Variants in UBR4 observed in about 807,000 individuals in gnomAD.
UBR4 encodes the protein ubiquitin protein ligase E3 component n-recognin 4, also known as E3 ubiquitin-protein ligase UBR4.
UBR4 carries 124 observed loss-of-function variants against 575.6 expected under a neutral mutation model. The observed-to-expected ratio is 0.22, with a 90% CI of 0.19 to 0.25. The LOEUF is 0.25. UBR4 is among the 10% of genes least tolerant of loss of function. The pLI is 1.00. For missense variants in UBR4, 4,818 were observed against 6,478.8 expected (o/e 0.74, Z 8.80); for synonymous variants, 2,455 against 2,473.7 (o/e 0.99, Z 0.22).
chr1:19,203,676 G>A (rs2092862183), intron 1 of UBR4, among the ~76,000 whole-genome samples: 1 of 152,124 alleles, frequency 6.6e-6, no homozygotes, highest in Non-Finnish European at 1.5e-5. Context: ...TGAGAGTCTG[G>A]CATTGCGAGC....
intron 7 of UBR4, 114 bp downstream of exon 7, chr1:19,197,556 A>T: frequency 7.0e-7 from 1 of 1,422,862 alleles, no homozygotes; most frequent in South Asian, 1.3e-5. Context: ...TTGAACCAGG[A>T]GACGAGGTTA....
At chr1:19,166,338 C>A (rs1052205954) in intron 29 of UBR4, among the ~76,000 whole-genome samples, 2 of 152,212 alleles carry the variant, frequency 1.3e-5, no homozygotes, top group Admixed American at 1.3e-4. Context: ...TTCAGCAGCA[C>A]AGTCAACAAA....
At chr1:19,108,221 C>T (rs1040106278) in intron 81 of UBR4, among the ~76,000 whole-genome samples, 5 of 152,160 alleles carry the variant, frequency 3.3e-5, no homozygotes, top group Non-Finnish European at 1.5e-5. Flanking sequence ...CTTCATTACA[C>T]TAACCTTCAT....
intron 88 of UBR4, among the ~76,000 whole-genome samples, chr1:19,101,071 G>C (rs990105398): frequency 2.6e-5 from 4 of 152,076 alleles, no homozygotes; most frequent in Admixed American, 2.6e-4. Flanking sequence ...ATAGCAGGAA[G>C]GGTTCTCTGG....
Position 19,174,311 on chromosome 1 carries a change from G to T in UBR4, c.2982+8C>A. ...ACCCAAAGACTTCTCAGGGTTCCAT[G>T]GTCTTACCAAGGCTGTTACATTCTT... On this transcript the variant is annotated splice_region_variant and intron_variant, in intron 22 of 105. Transcript: ENST00000375254. 6.2e-7 allele frequency: 1 copy of T among 1,606,356 alleles called. No homozygotes were observed. The highest frequency in any genetic ancestry group is 1.1e-5 in the South Asian group (1 of 89,172).
Position 19,165,285 on chromosome 1 carries a change from G to A in UBR4, c.4276C>T (p.Arg1426Ter). Residue 1426 changes from arginine (R) to a stop codon, truncating the protein, a stop_gained, in exon 31 of 106, where the codon CGA (arginine) becomes TGA (stop). Coordinates refer to ENST00000375254, the MANE Select transcript of UBR4 (RefSeq NM_020765.3). LOFTEE classifies it high-confidence loss of function. Reference sequence around the variant, plus strand: ...AGTTTGGTGAAGAATTTCAAAACTCGGTTACAGAATTTAGCAGAGAGGTTC... The same window carrying A: ...AGTTTGGTGAAGAATTTCAAAACTCAGTTACAGAATTTAGCAGAGAGGTTC... ...NENLSAKFCN[R>*]VLKFFTKLFQ... 2 of 1,614,138 alleles carry A rather than the reference G, an allele frequency of 1.2e-6. No homozygotes were observed. Among genetic ancestry groups the A allele is most frequent in the South Asian group, 1.1e-5 (1 of 91,082 alleles).
chr1:19,133,307 T>A (rs1451092083), intron 60 of UBR4, among the ~76,000 whole-genome samples: 2 of 152,152 alleles, frequency 1.3e-5, no homozygotes, highest in Non-Finnish European at 2.9e-5. Flanking sequence ...ATATAAGTGA[T>A]TCAATACATG....
At chr1:19,176,810 C>T in intron 19 of UBR4, 83 bp from the exon 20 acceptor site, 2 of 1,462,142 alleles carry the variant, frequency 1.4e-6, no homozygotes, top group Admixed American at 2.0e-5. Context: ...TAGCTCGGTA[C>T]ACTGAATCTT....
chr1:19,140,611 G>T (rs925700126), intron 58 of UBR4, among the ~76,000 whole-genome samples, 177 bp downstream of exon 58: 13 of 152,346 alleles, frequency 8.5e-5, no homozygotes, highest in African/African-American at 3.1e-4. Flanking sequence ...GGAGCTGTGC[G>T]CGGCGGGGCC....
chr1:19,150,718 A>T lies in UBR4; in HGVS notation c.7289T>A (p.Phe2430Tyr). 6.2e-7 allele frequency: 1 copy of T among 1,614,080 alleles called. No individual in the cohort carries two copies. The highest frequency in any genetic ancestry group is 8.5e-7 in the Non-Finnish European group (1 of 1,179,986). ...TTCTGGGGGCTCATCAGGCCAGCCA[A>T]ACTGCTCCTTAGTCTTGCCATAAAT... The part of the protein sequence containing the change: ...VKIYGKTKEQ[F>Y]GWPDEPPEEF... Residue 2430 changes from phenylalanine (F) to tyrosine (Y), a missense_variant, in exon 49 of 106, where the codon TTT becomes TAT. Phe to Tyr is a conservative substitution (Grantham distance 22, BLOSUM62 3). Around this residue, in one of 29 missense-constraint regions of UBR4, gnomAD observed 340 missense variants for 375.4 expected, o/e 0.91. Coordinates refer to ENST00000375254, the MANE Select transcript of UBR4 (RefSeq NM_020765.3).
In UBR4 at chr1:19,093,768, T is replaced by C. The variant is rs2077756387; in HGVS notation, c.13937+181A>G. 6.6e-6 allele frequency among the ~76,000 whole-genome samples: 1 copy of C among 152,154 alleles called. No individual in the cohort carries two copies. Among genetic ancestry groups the C allele is most frequent in the African/African-American group, 2.4e-5 (1 of 41,426 alleles). Reference sequence around the variant, plus strand: ...CACTTTGCCTTCTCTGACTAGCCAATTGCTACTCTAATACAGTATATTTTA... The same window carrying C: ...CACTTTGCCTTCTCTGACTAGCCAACTGCTACTCTAATACAGTATATTTTA... On this transcript the variant is annotated intron_variant, in intron 95 of 105. Coordinates refer to ENST00000375254, the MANE Select transcript of UBR4 (RefSeq NM_020765.3). The surrounding 1 kb of genome is among the most constrained non-coding windows in gnomAD (Gnocchi z 4.8).
At chr1:19,164,024 A>T (rs1302417072) in intron 33 of UBR4, among the ~76,000 whole-genome samples, 197 bp from the exon 34 acceptor site, 1 of 152,204 alleles carries the variant, frequency 6.6e-6, no homozygotes, top group African/African-American at 2.4e-5. Flanking sequence ...AACACTTGGC[A>T]TACTTTCCCC....
At chr1:19,187,097 CAT>C (rs200315935) in intron 13 of UBR4, 65 bp downstream of exon 13, 4 of 713,592 alleles carry the variant, frequency 5.6e-6, no homozygotes, top group East Asian at 5.2e-5. Flanking sequence ...TATATATATA[CAT>C]ATATATATCA....
intron 99 of UBR4, 45 bp downstream of exon 99, chr1:19,087,771 G>T: frequency 6.6e-7 from 1 of 1,515,962 alleles, no homozygotes; most frequent in Non-Finnish European, 9.1e-7. Flanking sequence ...AGAACAAGGG[G>T]TCAGGCTGGG....
intron 75 of UBR4, 83 bp downstream of exon 75, chr1:19,114,728 G>GT (rs2080294537): frequency 6.5e-7 from 1 of 1,537,336 alleles, no homozygotes; most frequent in Non-Finnish European, 8.8e-7. Flanking sequence ...AGGCTAGAAA[G>GT]TAAAGTGCAC....
intron 103 of UBR4, chr1:19,080,114 C>T (rs2076339918): frequency 6.6e-6 from 1 of 152,244 alleles, no homozygotes; most frequent in African/African-American, 2.4e-5. Context: ...GTGGATGCAG[C>T]ATATGGATAC....
rs749950323 is a variant in UBR4, at chr1:19,095,634, T to C, written c.13537A>G (p.Ser4513Gly). The change falls in exon 93 of 106, where the codon AGT becomes GGT. Residue 4513 changes from serine (S) to glycine (G), a missense_variant. By Grantham distance (56) the Ser-to-Gly change is moderately conservative. Coordinates refer to ENST00000375254, the MANE Select transcript of UBR4 (RefSeq NM_020765.3). The stretch of plus-strand genomic sequence containing the variant: ...TTGACTTTCACCTTCACGCAGTAAC[T>C]GAACAATTTCAGTAGCACCTGACAA... ...HLLTVLLKLF[S>G]YCVKVKVNRQ... is the part of the protein sequence containing the mutation. The C allele has an allele frequency of 4.3e-6, 7 of 1,614,006 alleles. No homozygotes were observed. In the South Asian group the frequency reaches 6.6e-5, roughly 15 times the overall value.
At chr1:19,187,065 T>A (rs1009745683) in intron 13 of UBR4, 99 bp downstream of exon 13, 3 of 904,316 alleles carry the variant, frequency 3.3e-6, no homozygotes, top group Admixed American at 1.1e-4. Context: ...CTTATTCATT[T>A]CAAGAAAGTT....
intron 99 of UBR4, 41 bp downstream of exon 99, chr1:19,087,775 G>T: frequency 6.5e-7 from 1 of 1,536,798 alleles, no homozygotes. Context: ...CAAGGGGTCA[G>T]GCTGGGCCCT....
Sources: gnomAD v4.1 joint callset for allele counts (sites outside exome capture counted in the v4.1 genomes callset) on GRCh38, gnomAD v4.1.1 for gene constraint, gnomAD v4.1.1 regional missense constraint, Gnocchi (gnomAD v3.1) non-coding constraint, MANE v1.5 for transcripts, NCBI Gene and HGNC (gene_info 2026-07-23, HGNC 2026-07-21) for gene names.